The following ANK3 variants were observed in gnomAD, a reference collection of about 807,000 sequenced individuals.
ANK3 encodes ankyrin-3.
A neutral mutation model predicts 370.9 loss-of-function variants in ANK3; 57 were observed. The observed-to-expected ratio is 0.15, with a 90% CI of 0.12 to 0.19. ANK3 has a LOEUF of 0.19. Ranked by LOEUF, ANK3 falls within the 10% of genes least tolerant of loss-of-function variation. The pLI, the probability that ANK3 is intolerant of heterozygous loss-of-function variation, is 1.00. For synonymous variants in ANK3, 1,929 were observed against 1,946.3 expected (o/e 0.99, Z 0.23); for missense variants, 4,439 against 5,302.1 (o/e 0.84, Z 5.06).
intron 8 of ANK3, among the ~76,000 whole-genome samples, chr10:60,230,972 C>T (rs992089843): frequency 6.6e-6 from 1 of 151,458 alleles, no homozygotes; most frequent in Non-Finnish European, 1.5e-5. Context: ...GATTCATGTG[C>T]AATCATCCTA....
intron 2 of ANK3, among the ~76,000 whole-genome samples, chr10:60,510,538 A>C (rs1051189791): frequency 2.0e-5 from 3 of 152,122 alleles, no homozygotes; most frequent in Admixed American, 2.0e-4. Context: ...GCGTCAGAGC[A>C]TGGCACAGTA....
At chr10:60,336,787 T>A (rs2053062381) in intron 1 of ANK3, among the ~76,000 whole-genome samples, 1 of 152,186 alleles carries the variant, frequency 6.6e-6, no homozygotes, top group Non-Finnish European at 1.5e-5. Context: ...CTTTGAAGAT[T>A]GAGAGCACCT....
chr10:60,423,442 C>T (rs2063818327), intron 2 of ANK3, among the ~76,000 whole-genome samples: 1 of 150,960 alleles, frequency 6.6e-6, no homozygotes, highest in Non-Finnish European at 1.5e-5. Flanking sequence ...TCACAGCACA[C>T]TCTGCTATTT....
At chr10:60,099,819 G>A (rs767907874) in intron 28 of ANK3, among the ~76,000 whole-genome samples, 7 of 152,048 alleles carry the variant, frequency 4.6e-5, no homozygotes, top group Non-Finnish European at 1.0e-4. Context: ...CAAAAGCTTA[G>A]ACCTGCAGTT....
chr10:60,694,956 T>C (rs1472074565), intron 1 of ANK3, among the ~76,000 whole-genome samples: 10 of 147,474 alleles, frequency 6.8e-5, no homozygotes, highest in African/African-American at 1.8e-4. Context: ...GACTGGCAAA[T>C]TGGATAAAGA....
intron 1 of ANK3, among the ~76,000 whole-genome samples, chr10:60,354,529 A>T (rs1566801192): frequency 2.0e-5 from 3 of 152,230 alleles, no homozygotes; most frequent in Admixed American, 1.3e-4. Flanking sequence ...GTCCTTAATG[A>T]AAAATAACCA....
chr10:60,483,439 T>A (rs2075273947), intron 2 of ANK3, among the ~76,000 whole-genome samples: 1 of 152,220 alleles, frequency 6.6e-6, no homozygotes, highest in African/African-American at 2.4e-5. Flanking sequence ...TAACTACTTG[T>A]CGTTTTGCAA....
At chr10:60,512,733 C>T (rs2076119155) in intron 2 of ANK3, among the ~76,000 whole-genome samples, 1 of 152,148 alleles carries the variant, frequency 6.6e-6, no homozygotes, top group South Asian at 2.1e-4. Flanking sequence ...GGTTCTGATG[C>T]AGAACAAAGA....
intron 2 of ANK3, among the ~76,000 whole-genome samples, chr10:60,443,461 T>A (rs1817871342): frequency 6.6e-6 from 1 of 151,974 alleles, no homozygotes; most frequent in Non-Finnish European, 1.5e-5. Context: ...GAAAAAAGAT[T>A]TTGCACCACT....
At chr10:60,466,948 T>C (rs1006898049) in intron 2 of ANK3, among the ~76,000 whole-genome samples, 13 of 152,144 alleles carry the variant, frequency 8.5e-5, no homozygotes, top group African/African-American at 2.2e-4. Context: ...TGCCTGCTAA[T>C]AGGAGTAGTG....
intron 2 of ANK3, among the ~76,000 whole-genome samples, chr10:60,598,818 A>G (rs756265094): frequency 1.3e-5 from 2 of 152,244 alleles, no homozygotes; most frequent in African/African-American, 2.4e-5. Flanking sequence ...TACTAAAATG[A>G]GAATTCCCTG....
chr10:60,648,998 G>A (rs768708824), intron 1 of ANK3, among the ~76,000 whole-genome samples: 8 of 152,028 alleles, frequency 5.3e-5, no homozygotes, highest in East Asian at 1.9e-4. Context: ...GTGCTCCCAC[G>A]ACTCTTTTTC....
intron 16 of ANK3, among the ~76,000 whole-genome samples, chr10:60,194,265 T>C (rs2096546685): frequency 2.0e-5 from 3 of 152,204 alleles, no homozygotes; most frequent in Admixed American, 2.0e-4. Context: ...TAACAAAATT[T>C]CCCATTTAAA....
At chr10:60,624,105 T>C (rs2078376283) in intron 1 of ANK3, among the ~76,000 whole-genome samples, 1 of 152,144 alleles carries the variant, frequency 6.6e-6, no homozygotes, top group Non-Finnish European at 1.5e-5. Flanking sequence ...TTGAGTGCTA[T>C]GCTTGTTACC....
intron 8 of ANK3, among the ~76,000 whole-genome samples, chr10:60,216,869 A>G (rs1289504836): frequency 2.0e-5 from 3 of 152,152 alleles, no homozygotes; most frequent in African/African-American, 7.2e-5. Flanking sequence ...TTTCTGATAG[A>G]ATTCAGCTGT....
chr10:60,203,443 T>C (rs901960393), intron 11 of ANK3, among the ~76,000 whole-genome samples: 7 of 152,114 alleles, frequency 4.6e-5, no homozygotes, highest in Admixed American at 4.6e-4. Context: ...CTTATCCATA[T>C]GTGTGTGTGT....
At chr10:60,047,099 G>A (rs973337337) in intron 42 of ANK3, among the ~76,000 whole-genome samples, 3 of 152,142 alleles carry the variant, frequency 2.0e-5, no homozygotes, top group African/African-American at 2.4e-5. Flanking sequence ...GAGCCACCGC[G>A]CCCGGCCTCA....
chr10:60,030,681 G>C (rs2073268983), intron 43 of ANK3, among the ~76,000 whole-genome samples: 1 of 152,156 alleles, frequency 6.6e-6, no homozygotes, highest in Non-Finnish European at 1.5e-5. Context: ...ATTACCCTAT[G>C]CTTCTGAAAC....
intron 2 of ANK3, among the ~76,000 whole-genome samples, chr10:60,585,251 C>CTGCA (rs2077815609): frequency 6.6e-6 from 1 of 152,148 alleles, no homozygotes; most frequent in Admixed American, 6.5e-5. Flanking sequence ...TAAACCTGGC[C>CTGCA]TGCAGTAACT....
Sources: gnomAD v4.1 joint callset for allele counts (sites outside exome capture counted in the v4.1 genomes callset) on GRCh38, gnomAD v4.1.1 for gene constraint, MANE v1.5 for transcripts, NCBI Gene and HGNC (gene_info 2026-07-23, HGNC 2026-07-21) for gene names.